SDK1: variants seen among roughly 807,000 people sequenced by gnomAD.
SDK1 encodes the protein protein sidekick-1.
Under a neutral mutation model 245.5 loss-of-function variants are expected in SDK1, and 157 were observed. That is an observed-to-expected ratio of 0.64 (90% confidence interval 0.56 to 0.73). The LOEUF (loss-of-function observed/expected upper bound fraction) is 0.73, where lower values mean the gene tolerates loss of function less well. Among genes scored for constraint, SDK1 ranks in the 30% least tolerant of loss-of-function variants. The probability of loss-of-function intolerance (pLI) is 0.00; values close to 1 mark genes in which losing one functional copy is unlikely to be tolerated. For missense variants in SDK1, 3,583 were observed against 3,002.3 expected, an observed-to-expected ratio of 1.19 and a Z score of -4.52; for synonymous variants, 1,647 against 1,278.5, an observed-to-expected ratio of 1.29 and a Z score of -6.15.
chr7:3,690,146 A>C (rs775438545), intron 4 of SDK1, among the ~76,000 whole-genome samples: 1 of 152,166 alleles, frequency 6.6e-6, no homozygotes, highest in Non-Finnish European at 1.5e-5. Flanking sequence ...TCTGGAATGG[A>C]AGCTGGGACT....
intron 5 of SDK1, among the ~76,000 whole-genome samples, chr7:3,945,633 C>A (rs554414747): frequency 6.6e-6 from 1 of 152,024 alleles, no homozygotes; most frequent in Non-Finnish European, 1.5e-5. Context: ...TGGTGGCTCA[C>A]GCCTGTAATC....
At chr7:4,112,516 C>G (rs1044924839) in intron 23 of SDK1, among the ~76,000 whole-genome samples, 1 of 152,204 alleles carries the variant, frequency 6.6e-6, no homozygotes, top group East Asian at 1.9e-4. Context: ...AAAGGCTGGA[C>G]TTCAAAACTG....
At chr7:3,577,549 G>C (rs1780333758) in intron 1 of SDK1, among the ~76,000 whole-genome samples, 1 of 151,928 alleles carries the variant, frequency 6.6e-6, no homozygotes, top group African/African-American at 2.4e-5. Context: ...GTAACCTTCT[G>C]TGCAGTAGGT....
At chr7:3,869,153 C>CTTTTTTTTTTTTTTTTTTTTTTTTTTT (rs751723918) in intron 5 of SDK1, among the ~76,000 whole-genome samples, 1 of 117,130 alleles carries the variant, frequency 8.5e-6, no homozygotes, top group Non-Finnish European at 1.8e-5. Context: ...TTTTTCATTT[C>CTTTTTTTTTTTTTTTTTTTTTTTTTTT]TTTTTTTTTT....
At chr7:4,139,569 ATATGTGTGTGTG>A (rs1420483233) in intron 28 of SDK1, among the ~76,000 whole-genome samples, 3 of 8,288 alleles carry the variant, frequency 3.6e-4, no homozygotes, top group African/African-American at 1.7e-3. Context: ...ATATGTGTGT[ATATGTGTGTGTG>A]TATGTGTGTG....
intron 19 of SDK1, among the ~76,000 whole-genome samples, chr7:4,053,563 G>A (rs920158277): frequency 6.6e-6 from 1 of 152,068 alleles, no homozygotes; most frequent in African/African-American, 2.4e-5. Flanking sequence ...CCCTGGAGCT[G>A]CCGGGATGGC....
At position 3,431,084 on chromosome 7, in the gene SDK1, A is replaced by G. The variant is rs149379570; in HGVS notation, c.298+129200A>G. Among the ~76,000 whole-genome samples the G allele has an allele frequency of 1.8e-3, 269 of 152,168 alleles. 1 individual carries two copies. In the Middle Eastern group the frequency reaches 0.024, roughly 13 times the overall value. On this transcript the variant is annotated intron_variant, in intron 1 of 44. Transcript: ENST00000404826. ...CCTGGCTAATTTTTTTATTTTTCAT[A>G]GAGACAGGGTTTCACCATGTTGGCC...
chr7:3,505,808 A>G (rs1302889920), intron 1 of SDK1, among the ~76,000 whole-genome samples: 7 of 152,188 alleles, frequency 4.6e-5, no homozygotes, highest in Non-Finnish European at 1.0e-4. Flanking sequence ...TGCAGGGACA[A>G]CTGCAGGACT....
At chr7:3,742,723 C>T (rs1202743081) in intron 4 of SDK1, among the ~76,000 whole-genome samples, 2 of 152,060 alleles carry the variant, frequency 1.3e-5, no homozygotes, top group Non-Finnish European at 2.9e-5. Context: ...CTTTTTATTC[C>T]CTGTTTGTCT....
chr7:4,161,574 C>A (rs1311474062), intron 31 of SDK1, among the ~76,000 whole-genome samples: 1 of 152,116 alleles, frequency 6.6e-6, no homozygotes, highest in Non-Finnish European at 1.5e-5. Flanking sequence ...TTTCTCGGGG[C>A]CATTGTTAAG....
intron 5 of SDK1, among the ~76,000 whole-genome samples, chr7:3,888,262 T>C (rs1444703072): frequency 6.6e-6 from 1 of 152,240 alleles, no homozygotes; most frequent in Non-Finnish European, 1.5e-5. Flanking sequence ...CCTTGTTCCA[T>C]GTGAGAACGA....
chr7:4,198,346 A>T (rs1783699597), intron 35 of SDK1, among the ~76,000 whole-genome samples: 1 of 152,192 alleles, frequency 6.6e-6, no homozygotes, highest in Admixed American at 6.5e-5. Context: ...CAAAGTCACA[A>T]GGGTGTTGGC....
Position 3,809,070 on chromosome 7 carries a change from T to C in SDK1, c.714-12380T>C, listed in dbSNP as rs150236651. 5.9e-3 allele frequency among the ~76,000 whole-genome samples: 895 copies of C among 152,142 alleles called. 12 individuals carry two copies. Among genetic ancestry groups the C allele is most frequent in the African/African-American group, 0.02 (844 of 41,468 alleles). ...TAATTTATAAAGAAAAAGGGTTGAA[T>C]TGGCTCGTAGATCTGCAGGCTGTAC... is the stretch of plus-strand genomic sequence containing the variant. On this transcript the variant is annotated intron_variant, in intron 4 of 44. Coordinates refer to ENST00000404826, the MANE Select transcript of SDK1 (RefSeq NM_152744.4).
intron 5 of SDK1, among the ~76,000 whole-genome samples, chr7:3,833,552 C>G (rs1279729932): frequency 6.6e-6 from 1 of 152,274 alleles, no homozygotes; most frequent in African/African-American, 2.4e-5. Context: ...ATATCAGAGA[C>G]TTATATCCTC....
intron 2 of SDK1, among the ~76,000 whole-genome samples, chr7:3,620,263 A>T (rs1289071688): frequency 1.3e-5 from 2 of 151,682 alleles, no homozygotes; most frequent in Admixed American, 1.3e-4. Flanking sequence ...TTTGTATTTT[A>T]AAAATCAATT....
At chr7:3,941,635 A>T (rs1187845545) in intron 5 of SDK1, among the ~76,000 whole-genome samples, 1 of 151,844 alleles carries the variant, frequency 6.6e-6, no homozygotes, top group Non-Finnish European at 1.5e-5. Flanking sequence ...ACTGACCTCA[A>T]CGCCACACCC....
intron 1 of SDK1, among the ~76,000 whole-genome samples, chr7:3,422,541 C>A (rs1021932013): frequency 6.6e-6 from 1 of 152,088 alleles, no homozygotes; most frequent in Non-Finnish European, 1.5e-5. Context: ...GCCTGTAACC[C>A]TAGTAACTTG....
chr7:3,655,497 A>ATGTATG (rs1175341070), intron 4 of SDK1, among the ~76,000 whole-genome samples: 4 of 64,160 alleles, frequency 6.2e-5, no homozygotes, highest in East Asian at 6.8e-4. Flanking sequence ...ATATATATAT[A>ATGTATG]TATATATGTA....
At chr7:4,012,415 G>A (rs1212225472) in intron 16 of SDK1, among the ~76,000 whole-genome samples, 180 bp downstream of exon 16, 2 of 152,062 alleles carry the variant, frequency 1.3e-5, no homozygotes, top group East Asian at 3.8e-4. Flanking sequence ...GCCAACGTGG[G>A]CAGCCGTGCA....
Sources: allele counts gnomAD v4.1 joint callset (sites outside exome capture counted in the v4.1 genomes callset), GRCh38; gene constraint gnomAD v4.1.1; transcripts MANE v1.5; gene names NCBI Gene and HGNC (gene_info 2026-07-23, HGNC 2026-07-21).